NOTUM: variants seen among roughly 807,000 people sequenced by gnomAD.
NOTUM encodes the protein palmitoleoyl-protein carboxylesterase NOTUM.
A neutral mutation model predicts 65.5 loss-of-function variants in NOTUM; 36 were observed. The ratio of observed to expected loss-of-function variants is 0.55; its 90% CI spans 0.42 to 0.73. The LOEUF (loss-of-function observed/expected upper bound fraction) is 0.73. Among genes scored for constraint, NOTUM ranks in the 30% least tolerant of loss-of-function variants. NOTUM has a pLI of 0.00. For missense variants in NOTUM, 659 were observed against 694.2 expected (o/e 0.95, Z 0.57); for synonymous variants, 356 against 297.9 (o/e 1.20, Z -2.01).
chr17:81,958,547 C>T (rs550767544), intron 4 of NOTUM, among the ~76,000 whole-genome samples, 154 bp from the exon 5 acceptor site: 3 of 151,034 alleles, frequency 2.0e-5, no homozygotes, highest in Non-Finnish European at 4.4e-5. Flanking sequence ...CAAGAAAGAC[C>T]TCCAGCGTAA....
Position 81,959,464 on chromosome 17 carries a change from C to T in NOTUM, c.472+7G>A, listed in dbSNP as rs745651201. On this transcript the variant is annotated splice_region_variant and intron_variant, in intron 3 of 10. Transcript: ENST00000409678. The stretch of plus-strand genomic sequence containing the variant: ...TCGAGACGCCTTCCCCAGGGCCCGC[C>T]GCTGACCTGTGCGAGTGCGCGGCCA... 9.1e-6 allele frequency: 14 copies of T among 1,544,660 alleles called. No individual in the cohort carries two copies. Among genetic ancestry groups the T allele is most frequent in the Non-Finnish European group, 1.2e-5 (14 of 1,144,822 alleles).
intron 10 of NOTUM, among the ~76,000 whole-genome samples, chr17:81,953,655 A>ATGCAG (rs1261286319): frequency 1.3e-5 from 2 of 150,110 alleles, no homozygotes; most frequent in Non-Finnish European, 3.0e-5. Context: ...TCAGGCTAGA[A>ATGCAG]TGCAGTGGTG....
At chr17:81,956,046 G>T (rs574981294) in intron 8 of NOTUM, among the ~76,000 whole-genome samples, 1 of 152,246 alleles carries the variant, frequency 6.6e-6, no homozygotes, top group South Asian at 2.1e-4. Context: ...ACAGAATGTG[G>T]CTTCCTTCTT....
At position 81,957,092 on chromosome 17, in the gene NOTUM, C is replaced by A. The variant is rs779741644; in HGVS notation, c.696-18G>T. 17 of 1,585,018 alleles carry A rather than the reference C, an allele frequency of 1.1e-5. No individual in the cohort carries two copies. Among genetic ancestry groups the A allele is most frequent in the Non-Finnish European group, 1.4e-5 (16 of 1,169,532 alleles). ...CCCCCGCGCTGCAAGGAGGGCCAGA[C>A]GTGAGGCCAGGTGGCTGGGAAGAGG... On this transcript the variant is annotated intron_variant, in intron 6 of 10. Coordinates refer to ENST00000409678, the MANE Select transcript of NOTUM (RefSeq NM_178493.6).
chr17:81,953,082 G>A lies in NOTUM; in HGVS notation c.1370C>T (p.Thr457Met), dbSNP rs1452186909. The stretch of plus-strand genomic sequence containing the variant: ...CTGGGCCACGTTCATCTCTTGCCCC[G>A]TGAACTGGTCTCGGACGGTGGGGCA... ...PSCPTVRDQF[T>M]GQEMNVAQFL... The change falls in exon 11 of 11, where the codon ACG becomes ATG. Residue 457 changes from threonine (T) to methionine (M), a missense_variant. Transcript: ENST00000409678. The A allele has an allele frequency of 1.1e-5, 18 of 1,613,778 alleles. No homozygotes were observed. Among genetic ancestry groups the A allele is most frequent in the East Asian group, 4.5e-5 (2 of 44,900 alleles).
At chr17:81,955,348 A>T in intron 9 of NOTUM, 49 bp downstream of exon 9, 1 of 1,466,526 alleles carries the variant, frequency 6.8e-7, no homozygotes. Flanking sequence ...CTATTTTTAA[A>T]TAAGGAGGGA....
At position 81,952,888 on chromosome 17, in the gene NOTUM, T is replaced by G. The variant is rs2143937999; in HGVS notation, c.*73A>C. 2 of 1,341,152 alleles carry G rather than the reference T, an allele frequency of 1.5e-6. No homozygotes were observed. The highest frequency in any genetic ancestry group is 1.1e-6 in the Non-Finnish European group (1 of 949,228). 83.1% of individuals were successfully genotyped at this position (1,341,152 alleles called of 1,614,324 possible). A position where few individuals can be genotyped will look rare whatever the true frequency, so the allele number is the denominator to read the frequency against. On this transcript the variant is annotated 3_prime_UTR_variant, in exon 11 of 11. Coordinates refer to ENST00000409678, the MANE Select transcript of NOTUM (RefSeq NM_178493.6). ...CCGAAGAGACGGGAGGGCCTGCTGG[T>G]GGGGGGTGAGGTGGCACTGGGGCAG... is the stretch of plus-strand genomic sequence containing the variant.
In NOTUM at chr17:81,955,315, C is replaced by T. The variant is rs1176190629; in HGVS notation, c.1136+82G>A. 3.9e-6 allele frequency: 5 copies of T among 1,269,720 alleles called. No homozygotes were observed. The African/African-American group carries it at 4.5e-5, about 12-fold the overall frequency. The allele number at this position is 1,269,720 out of a possible 1,614,324, so 78.7% of individuals were successfully genotyped here. On this transcript the variant is annotated intron_variant, in intron 9 of 10. Coordinates refer to ENST00000409678, the MANE Select transcript of NOTUM (RefSeq NM_178493.6). Reference sequence around the variant, plus strand: ...TCTATTTTTTTTTGTTCTGGTTTTTCTTCTTTTGTTTTCTCAGGACCTCTA... The same window carrying T: ...TCTATTTTTTTTTGTTCTGGTTTTTTTTCTTTTGTTTTCTCAGGACCTCTA...
intron 4 of NOTUM, among the ~76,000 whole-genome samples, chr17:81,958,698 G>A (rs1598368958): frequency 6.6e-6 from 1 of 150,880 alleles, no homozygotes; most frequent in Non-Finnish European, 1.5e-5. Flanking sequence ...CTGCCAGGAA[G>A]GACCATCTCA....
chr17:81,958,014 A>G, intron 5 of NOTUM, 106 bp from the exon 6 acceptor site: 1 of 850,184 alleles, frequency 1.2e-6, no homozygotes, highest in Non-Finnish European at 1.9e-6. Context: ...GGGGACTGGG[A>G]GGAATCTTCT....
chr17:81,959,440 C>G (rs995378116), intron 3 of NOTUM, 31 bp downstream of exon 3: 10 of 1,512,862 alleles, frequency 6.6e-6, no homozygotes, highest in African/African-American at 4.2e-5. Flanking sequence ...GGCCTCACGT[C>G]GAGACGCCTT....
intron 5 of NOTUM, 137 bp downstream of exon 5, chr17:81,958,198 C>T (rs557961403): frequency 1.8e-5 from 12 of 680,986 alleles, no homozygotes; most frequent in African/African-American, 1.2e-4. Context: ...TTTGAAAGCA[C>T]GACAAGGCTG....
chr17:81,959,116 T>C (rs1233838322), intron 3 of NOTUM, 121 bp from the exon 4 acceptor site: 6 of 846,730 alleles, frequency 7.1e-6, no homozygotes, highest in African/African-American at 5.0e-5. Flanking sequence ...GTGCTGGTGT[T>C]GCTAGCCCGA....
chr17:81,960,967 GA>G lies in NOTUM; in HGVS notation c.-59del, dbSNP rs2041472703. On this transcript the variant is annotated 5_prime_UTR_variant, in exon 1 of 11. Coordinates refer to ENST00000409678, the MANE Select transcript of NOTUM (RefSeq NM_178493.6). This position sits in a 1 kb window ranked among gnomAD's most constrained non-coding sequence, Gnocchi z 6.4. ...TGAGGCGGCGGCGGCGGCGGCGGGG[GA>G]TGCCGGGCCGGGGGTGCCGGGCCGG... The G allele has an allele frequency of 1.2e-5, 12 of 1,030,614 alleles. No homozygotes were observed. Among genetic ancestry groups the G allele is most frequent in the Non-Finnish European group, 1.2e-5 (10 of 821,970 alleles). The allele number at this position is 1,030,614 out of a possible 1,614,324, so 63.8% of individuals were successfully genotyped here.
At chr17:81,957,131 C>T (rs948426890) in intron 6 of NOTUM, 57 bp from the exon 7 acceptor site, 12 of 1,458,286 alleles carry the variant, frequency 8.2e-6, no homozygotes, top group Non-Finnish European at 1.0e-5. Context: ...TCACCTCCCC[C>T]GAGTCTGCTC....
intron 8 of NOTUM, 84 bp downstream of exon 8, chr17:81,956,566 A>C: frequency 1.1e-6 from 1 of 936,188 alleles, no homozygotes; most frequent in Non-Finnish European, 1.7e-6. Flanking sequence ...AGCCCAGAAG[A>C]CTGGAGTCCA....
At chr17:81,959,156 T>C in intron 3 of NOTUM, 161 bp from the exon 4 acceptor site, 1 of 659,104 alleles carries the variant, frequency 1.5e-6, no homozygotes, top group Non-Finnish European at 2.7e-6. Context: ...TGGAGGACAG[T>C]TGGGTTTAGT....
intron 2 of NOTUM, 21 bp downstream of exon 2, chr17:81,959,619 C>G (rs780735440): frequency 8.9e-5 from 138 of 1,545,896 alleles, no homozygotes; most frequent in Non-Finnish European, 1.1e-4. Context: ...CGGCCTCCCC[C>G]CGCCTCAGCC....
chr17:81,958,833 C>G (rs2041452730), intron 4 of NOTUM, 102 bp downstream of exon 4: 5 of 879,210 alleles, frequency 5.7e-6, no homozygotes, highest in Non-Finnish European at 5.6e-6. Flanking sequence ...GAACAGGACC[C>G]CCAGGAAAGA....
Sources: gnomAD v4.1 joint callset for allele counts (sites outside exome capture counted in the v4.1 genomes callset) on GRCh38, gnomAD v4.1.1 for gene constraint, Gnocchi (gnomAD v3.1) non-coding constraint, MANE v1.5 for transcripts, NCBI Gene and HGNC (gene_info 2026-07-23, HGNC 2026-07-21) for gene names.